The following INSR variants were observed in gnomAD, a reference collection of about 807,000 sequenced individuals.
INSR encodes insulin receptor.
INSR carries 67 observed loss-of-function variants against 142.6 expected under a neutral mutation model. The ratio of observed to expected loss-of-function variants is 0.47; its 90% CI spans 0.39 to 0.58. The LOEUF is 0.58. Ranked by LOEUF, INSR falls within the 20% of genes least tolerant of loss-of-function variation. INSR has a pLI of 0.00. For missense variants in INSR, 1,248 were observed against 1,833.2 expected, an observed-to-expected ratio of 0.68 and a Z score of 5.83; for synonymous variants, 756 against 743.1, an observed-to-expected ratio of 1.02 and a Z score of -0.28.
intron 2 of INSR, among the ~76,000 whole-genome samples, chr19:7,195,825 G>A (rs1462861179): frequency 6.6e-6 from 1 of 151,692 alleles, no homozygotes; most frequent in Non-Finnish European, 1.5e-5. Flanking sequence ...CAACAGATAA[G>A]ATTATAGAAG....
intron 2 of INSR, among the ~76,000 whole-genome samples, chr19:7,248,499 A>AC (rs1976603003): frequency 1.4e-5 from 2 of 144,362 alleles, no homozygotes; most frequent in Admixed American, 1.4e-4. Context: ...AAAAAAAAAA[A>AC]AAAAAAAAAG....
intron 2 of INSR, among the ~76,000 whole-genome samples, chr19:7,231,273 C>A (rs1199959255): frequency 1.4e-5 from 2 of 144,228 alleles, no homozygotes; most frequent in African/African-American, 5.2e-5. Context: ...TTTGTGTTGT[C>A]TTGTTTTTGG....
chr19:7,171,778 T>C (rs143679126), intron 5 of INSR, among the ~76,000 whole-genome samples: 11 of 152,248 alleles, frequency 7.2e-5, no homozygotes, highest in African/African-American at 2.4e-4. Context: ...TAAAAAAGCT[T>C]TTACAATTTT....
chr19:7,288,401 G>C (rs980926414), intron 1 of INSR, among the ~76,000 whole-genome samples: 1 of 151,986 alleles, frequency 6.6e-6, no homozygotes, highest in Non-Finnish European at 1.5e-5. Flanking sequence ...TTCTCAGAAG[G>C]CCAAGGCAGG....
intron 1 of INSR, among the ~76,000 whole-genome samples, chr19:7,282,778 G>A (rs1043593454): frequency 6.6e-6 from 1 of 151,580 alleles, no homozygotes; most frequent in Non-Finnish European, 1.5e-5. Flanking sequence ...GAGGTCAGGA[G>A]ATCGAGACCA....
rs1019217014 is a variant in INSR at position 7,126,707 on chromosome 19, A to G, written c.2946-56T>C. 1.0e-5 allele frequency: 15 copies of G among 1,502,274 alleles called. No individual in the cohort carries two copies. In the East Asian group the frequency reaches 3.7e-4, roughly 37 times the overall value. The allele number at this position is 1,502,274 out of a possible 1,614,324, so 93.1% of individuals were successfully genotyped here. On this transcript the variant is annotated intron_variant, in intron 15 of 21. Coordinates refer to ENST00000302850, the MANE Select transcript of INSR (RefSeq NM_000208.4). ...GAGATTCTCATGGGACTCTGCAGAA[A>G]GGTGTTTCATACAAGACTCCCCAAG...
At chr19:7,214,287 T>C (rs1975364630) in intron 2 of INSR, among the ~76,000 whole-genome samples, 1 of 152,204 alleles carries the variant, frequency 6.6e-6, no homozygotes. Flanking sequence ...CCCAGAACTC[T>C]AGTTCTTATT....
chr19:7,185,858 A>AAAAAAAG (rs1555747112), intron 2 of INSR, among the ~76,000 whole-genome samples: 1 of 133,976 alleles, frequency 7.5e-6, no homozygotes, highest in Non-Finnish European at 1.6e-5. Flanking sequence ...AAAAAAAAAA[A>AAAAAAAG]AGAGAGAGAG....
intron 14 of INSR, among the ~76,000 whole-genome samples, chr19:7,131,362 T>G (rs1972776235): frequency 6.6e-6 from 1 of 151,816 alleles, no homozygotes; most frequent in South Asian, 2.1e-4. Context: ...ATTTTATTTT[T>G]TGAGACAGAG....
rs750954241 is a variant in INSR at position 7,132,274 on chromosome 19, C to T, written c.2726G>A (p.Arg909Gln). Residue 909 changes from arginine to glutamine, a missense_variant, in exon 14 of 22, where the codon CGG becomes CAG. By Grantham distance (43) the Arg-to-Gln change is conservative. Coordinates refer to ENST00000302850, the MANE Select transcript of INSR (RefSeq NM_000208.4). Reference protein sequence around the residue: ...CVSRKHFALERGCRLRGLSPG... With the variant: ...CVSRKHFALEQGCRLRGLSPG... ...TGACAGCCCACGCAGCCTGCAGCCC[C>T]GTTCCAGAGCGAAGTGCTTGCGGGA... The T allele has an allele frequency of 3.1e-6, 5 of 1,614,078 alleles. No homozygotes were observed. Among genetic ancestry groups the T allele is most frequent in the East Asian group, 2.2e-5 (1 of 44,884 alleles).
intron 19 of INSR, among the ~76,000 whole-genome samples, chr19:7,121,129 C>G (rs564242808): frequency 6.6e-6 from 1 of 152,058 alleles, no homozygotes; most frequent in Admixed American, 6.6e-5. Flanking sequence ...TCCTGAGTAG[C>G]TAGGATTACA....
intron 2 of INSR, among the ~76,000 whole-genome samples, chr19:7,264,266 G>A (rs1412704050): frequency 6.6e-6 from 1 of 151,966 alleles, no homozygotes; most frequent in African/African-American, 2.4e-5. Flanking sequence ...CTAGGAGGTG[G>A]AGGTTGCAGT....
At chr19:7,175,032 C>T (rs923619368) in intron 3 of INSR, among the ~76,000 whole-genome samples, 5 of 151,868 alleles carry the variant, frequency 3.3e-5, no homozygotes, top group African/African-American at 7.3e-5. Context: ...TGAGTAGAGA[C>T]GGGGTTTTAC....
intron 2 of INSR, among the ~76,000 whole-genome samples, chr19:7,214,232 C>A (rs930741049): frequency 6.6e-6 from 1 of 152,160 alleles, no homozygotes; most frequent in Admixed American, 6.6e-5. Flanking sequence ...GAGGCAATGA[C>A]CTCTTTCCTC....
chr19:7,179,623 T>G (rs977566634), intron 3 of INSR, among the ~76,000 whole-genome samples: 1 of 152,246 alleles, frequency 6.6e-6, no homozygotes, highest in Non-Finnish European at 1.5e-5. Context: ...TATTGGAATA[T>G]GGCCACATTT....
intron 13 of INSR, 135 bp from the exon 14 acceptor site, chr19:7,132,452 A>G (rs984816569): frequency 3.2e-6 from 3 of 924,200 alleles, no homozygotes; most frequent in African/African-American, 3.3e-5. Context: ...ACTAAGACAC[A>G]TAAGCGACTT....
chr19:7,119,829 A>T lies in INSR; in HGVS notation c.3660-246T>A, dbSNP rs4804295. ...ACACACAAACACATATACACACACA[A>T]ACACACACACCCAAACACACACACG... On this transcript the variant is annotated intron_variant, in intron 20 of 21. Coordinates refer to ENST00000302850, the MANE Select transcript of INSR (RefSeq NM_000208.4). This position sits in a 1 kb window ranked among gnomAD's most constrained non-coding sequence, Gnocchi z 5.2. 1.2e-4 allele frequency among the ~76,000 whole-genome samples: 5 copies of T among 40,162 alleles called. No individual in the cohort carries two copies. The highest frequency in any genetic ancestry group is 3.2e-4 in the Non-Finnish European group (5 of 15,742). 26.3% of individuals were successfully genotyped at this position (40,162 alleles called of 152,430 possible).
At chr19:7,203,688 A>G (rs184954455) in intron 2 of INSR, among the ~76,000 whole-genome samples, 5 of 152,236 alleles carry the variant, frequency 3.3e-5, no homozygotes, top group Admixed American at 2.6e-4. Flanking sequence ...GAATGGAGAA[A>G]ATTTCCTCAA....
intron 6 of INSR, 88 bp downstream of exon 6, chr19:7,170,449 C>A: frequency 3.2e-6 from 3 of 945,976 alleles, no homozygotes; most frequent in Non-Finnish European, 3.5e-6. Flanking sequence ...CATGCTGAAA[C>A]CATCCCCACC....
Sources: gnomAD v4.1 joint callset for allele counts (sites outside exome capture counted in the v4.1 genomes callset) on GRCh38, gnomAD v4.1.1 for gene constraint, Gnocchi (gnomAD v3.1) non-coding constraint, MANE v1.5 for transcripts, NCBI Gene and HGNC (gene_info 2026-07-23, HGNC 2026-07-21) for gene names.